KDM4C: variants seen among roughly 807,000 people sequenced by gnomAD.
KDM4C encodes the protein lysine-specific demethylase 4C.
KDM4C carries 81 observed loss-of-function variants against 129.3 expected under a neutral mutation model. The observed-to-expected ratio is 0.63, with a 90% confidence interval of 0.52 to 0.75. The LOEUF (loss-of-function observed/expected upper bound fraction) is 0.75, where lower values mean the gene tolerates loss of function less well. Among genes scored for constraint, KDM4C ranks in the 30% least tolerant of loss-of-function variants. KDM4C has a pLI of 0.00. For missense variants in KDM4C, 1,457 were observed against 1,304.0 expected, an observed-to-expected ratio of 1.12 and a Z score of -1.81; for synonymous variants, 573 against 456.1, an observed-to-expected ratio of 1.26 and a Z score of -3.26.
intron 8 of KDM4C, among the ~76,000 whole-genome samples, chr9:6,910,241 A>G (rs1563798370): frequency 6.6e-6 from 1 of 152,162 alleles, no homozygotes; most frequent in Non-Finnish European, 1.5e-5. Flanking sequence ...GCACTACATT[A>G]ATATATAAAG....
At chr9:6,959,331 T>C (rs567722237) in intron 8 of KDM4C, among the ~76,000 whole-genome samples, 3 of 152,310 alleles carry the variant, frequency 2.0e-5, no homozygotes, top group African/African-American at 7.2e-5. Context: ...CTTGAAAGTG[T>C]TGGTCTGTTT....
At chr9:6,848,440 G>A (rs958309339) in intron 4 of KDM4C, among the ~76,000 whole-genome samples, 3 of 152,140 alleles carry the variant, frequency 2.0e-5, no homozygotes, top group Admixed American at 6.5e-5. Flanking sequence ...GCCGAGGTGG[G>A]CAGGTCACTT....
intron 1 of KDM4C, among the ~76,000 whole-genome samples, chr9:6,731,325 C>CTTTTTTTTTTTTTTTTTTTTTT (rs34724329): frequency 8.8e-6 from 1 of 114,052 alleles, no homozygotes; most frequent in African/African-American, 3.3e-5. Flanking sequence ...TTTTTTTTTG[C>CTTTTTTTTTTTTTTTTTTTTTT]TTTTTTTTTT....
In KDM4C at chr9:7,144,523, T is replaced by C. The variant is rs139879872; in HGVS notation, c.2781+16287T>C. ...AGCCCTTCCCTTTCAACTGGGGACA[T>C]TGGCCTAGGGGATCTCTCAGGTCTC... On this transcript the variant is annotated intron_variant, in intron 19 of 21. Transcript: ENST00000381309. Among the ~76,000 whole-genome samples the C allele has an allele frequency of 4.5e-3, 689 of 152,332 alleles. 16 individuals are homozygous for C. Among genetic ancestry groups the C allele is most frequent in the East Asian group, 2.1e-3 (11 of 5,178 alleles).
chr9:7,114,304 G>T (rs750067746), intron 18 of KDM4C, among the ~76,000 whole-genome samples: 1 of 152,114 alleles, frequency 6.6e-6, no homozygotes, highest in Non-Finnish European at 1.5e-5. Flanking sequence ...AGGAATTCAT[G>T]TTCCTGAGTC....
chr9:6,994,114 C>G (rs1315400105), intron 12 of KDM4C, among the ~76,000 whole-genome samples: 1 of 152,072 alleles, frequency 6.6e-6, no homozygotes, highest in Admixed American at 6.6e-5. Context: ...AGTGTGCAAC[C>G]TAGATCCCTT....
At chr9:6,746,756 C>G (rs1362811144) in intron 1 of KDM4C, among the ~76,000 whole-genome samples, 2 of 149,844 alleles carry the variant, frequency 1.3e-5, no homozygotes, top group South Asian at 4.2e-4. Context: ...CGCCTGTAAT[C>G]CCAGCACTTT....
At chr9:6,865,966 G>C (rs1281484225) in intron 5 of KDM4C, among the ~76,000 whole-genome samples, 3 of 152,030 alleles carry the variant, frequency 2.0e-5, no homozygotes, top group Non-Finnish European at 4.4e-5. Flanking sequence ...TGTTAGCCAG[G>C]ATGGTCTCGA....
At chr9:7,073,577 C>G (rs555907427) in intron 17 of KDM4C, among the ~76,000 whole-genome samples, 1 of 152,108 alleles carries the variant, frequency 6.6e-6, no homozygotes, top group Non-Finnish European at 1.5e-5. Flanking sequence ...TCCAAGAAAA[C>G]GATTATCTCA....
intron 17 of KDM4C, among the ~76,000 whole-genome samples, chr9:7,049,874 A>G (rs900593158): frequency 3.9e-5 from 6 of 152,146 alleles, no homozygotes; most frequent in African/African-American, 9.7e-5. Flanking sequence ...TGCATACCTA[A>G]TTAGAACTTT....
intron 1 of KDM4C, among the ~76,000 whole-genome samples, chr9:6,768,251 C>A (rs954644733): frequency 1.3e-5 from 2 of 151,936 alleles, no homozygotes; most frequent in African/African-American, 4.8e-5. Flanking sequence ...TCTAGAAAAT[C>A]TCGGTCCCTG....
intron 8 of KDM4C, chr9:6,925,699 TTTTC>T (rs1426875691): frequency 2.8e-5 from 26 of 934,640 alleles, no homozygotes; most frequent in Non-Finnish European, 3.3e-5. Flanking sequence ...TTAGTTCTGT[TTTTC>T]TTTCTTTTTT....
At chr9:6,842,435 C>G (rs577339195) in intron 4 of KDM4C, among the ~76,000 whole-genome samples, 1 of 150,576 alleles carries the variant, frequency 6.6e-6, no homozygotes, top group Non-Finnish European at 1.5e-5. Context: ...CCTGGGTTCA[C>G]GTGATTCTCT....
intron 7 of KDM4C, 40 bp downstream of exon 7, chr9:6,888,103 T>G (rs1845561598): frequency 9.3e-7 from 1 of 1,072,034 alleles, no homozygotes; most frequent in Non-Finnish European, 1.4e-6. Context: ...ATTTTGTTTG[T>G]GTAGGATTTG....
intron 15 of KDM4C, among the ~76,000 whole-genome samples, chr9:7,019,720 T>TTATATTTTTATATATAAAATAC (rs1824360203): frequency 9.5e-6 from 1 of 105,346 alleles, no homozygotes; most frequent in East Asian, 3.5e-4. Context: ...TATAAAAATA[T>TTATATTTTTATATATAAAATAC]AATATTTTTA....
chr9:7,123,456 C>T (rs1839717286), intron 18 of KDM4C, among the ~76,000 whole-genome samples: 1 of 152,182 alleles, frequency 6.6e-6, no homozygotes, highest in African/African-American at 2.4e-5. Context: ...TTCTCTTTGC[C>T]CTTTTCTGGA....
chr9:6,795,286 T>A lies in KDM4C; in HGVS notation c.144+2154T>A, dbSNP rs182279911. ...ACCCACTACTTTACTGTTTCTGGTA[T>A]CTGTACCCTGAGGCCTGTAATTAGG... is the stretch of plus-strand genomic sequence containing the variant. On this transcript the variant is annotated intron_variant, in intron 2 of 21. Coordinates refer to ENST00000381309, the MANE Select transcript of KDM4C (RefSeq NM_015061.6). Among the ~76,000 whole-genome samples the A allele has an allele frequency of 2.0e-5, 3 of 152,322 alleles. No homozygotes were observed. The East Asian group carries it at 5.8e-4, about 29-fold the overall frequency.
intron 8 of KDM4C, among the ~76,000 whole-genome samples, chr9:6,895,447 C>G (rs10125702): frequency 0.091 from 13,795 of 152,172 alleles, 1,623 homozygotes; most frequent in African/African-American, 0.27. Flanking sequence ...CTGTGTAGTT[C>G]CTGCATTTCA....
chr9:7,088,964 A>G (rs1262206232), intron 17 of KDM4C, among the ~76,000 whole-genome samples: 1 of 152,228 alleles, frequency 6.6e-6, no homozygotes, highest in Non-Finnish European at 1.5e-5. Context: ...TTCTTAAAGC[A>G]CATTTGCCTG....
Sources: gnomAD v4.1 joint callset for allele counts (sites outside exome capture counted in the v4.1 genomes callset) on GRCh38, gnomAD v4.1.1 for gene constraint, MANE v1.5 for transcripts, NCBI Gene and HGNC (gene_info 2026-07-23, HGNC 2026-07-21) for gene names.